Variants in PFKFB2 observed in about 807,000 individuals in gnomAD.
PFKFB2 encodes the protein 6-phosphofructo-2-kinase/fructose-2,6-bisphosphatase 2.
PFKFB2 carries 53 observed loss-of-function variants against 68.0 expected under a neutral mutation model. The observed-to-expected ratio is 0.78, with a 90% CI of 0.63 to 0.98. PFKFB2 has a LOEUF of 0.98. PFKFB2 is among the 50% of genes least tolerant of loss of function. The pLI is 0.00. For synonymous variants in PFKFB2, 222 were observed against 227.6 expected, an observed-to-expected ratio of 0.98 and a Z score of 0.22; for missense variants, 451 against 642.0, an observed-to-expected ratio of 0.70 and a Z score of 3.22.
At position 207,071,573 on chromosome 1, in the gene PFKFB2, T is replaced by G. The variant is rs754287123; in HGVS notation, c.1350T>G (p.Thr450=). ...EAVNTHRDKP[T]NNFPKNQTPV... ...TGAACACGCACCGTGACAAGCCAACTGTAAGTATTTTCCCACGATGAACAC... is the reference window on the plus strand; with the variant it reads ...TGAACACGCACCGTGACAAGCCAACGGTAAGTATTTTCCCACGATGAACAC... The change falls in exon 14 of 15, where the codon ACT becomes ACG. Residue 450 remains threonine (T), a splice_region_variant and synonymous_variant. Coordinates refer to ENST00000367080, the MANE Select transcript of PFKFB2 (RefSeq NM_006212.2). 6.2e-7 allele frequency: 1 copy of G among 1,612,124 alleles called. No homozygotes were observed. The highest frequency in any genetic ancestry group is 1.1e-5 in the South Asian group (1 of 91,044).
At chr1:207,062,192 G>A (rs1429100402) in intron 3 of PFKFB2, 114 bp downstream of exon 3, 2 of 1,384,944 alleles carry the variant, frequency 1.4e-6, no homozygotes, top group East Asian at 2.4e-5. Flanking sequence ...GGCAGAAATA[G>A]CAGTTGCTTT....
chr1:207,067,400 G>C (rs1331041667), intron 8 of PFKFB2, 99 bp from the exon 9 acceptor site: 1 of 795,732 alleles, frequency 1.3e-6, no homozygotes, highest in African/African-American at 1.7e-5. Flanking sequence ...AGGAAGAGCA[G>C]CTGTGAGCCT....
chr1:207,062,458 G>A, intron 3 of PFKFB2, 162 bp from the exon 4 acceptor site: 1 of 1,139,088 alleles, frequency 8.8e-7, no homozygotes, highest in South Asian at 1.5e-5. Flanking sequence ...GTCAGGGCTT[G>A]AACCCAACTC....
intron 1 of PFKFB2, among the ~76,000 whole-genome samples, chr1:207,041,880 C>T (rs1053690173): frequency 1.3e-5 from 2 of 152,228 alleles, no homozygotes; most frequent in Non-Finnish European, 1.5e-5. Flanking sequence ...TCTCCACATT[C>T]TCTCTAGCAT....
chr1:207,051,525 C>T (rs1042972570), upstream of PFKFB2, among the ~76,000 whole-genome samples: 5 of 152,228 alleles, frequency 3.3e-5, no homozygotes, highest in African/African-American at 1.2e-4. Flanking sequence ...TTCTGCCTCC[C>T]TGGGACTGTG....
At chr1:207,041,226 C>A (rs982124831) in intron 1 of PFKFB2, among the ~76,000 whole-genome samples, 2 of 151,570 alleles carry the variant, frequency 1.3e-5, no homozygotes, top group African/African-American at 4.9e-5. Flanking sequence ...CCGCGCCTGG[C>A]CAGATTTTTT....
At position 207,073,020 on chromosome 1, in the gene PFKFB2, C is replaced by T; in HGVS notation, c.*649C>T. The T allele has an allele frequency of 1.0e-6, 1 of 985,490 alleles. No homozygotes were observed. Among genetic ancestry groups the T allele is most frequent in the Non-Finnish European group, 1.2e-6 (1 of 830,006 alleles). The allele number at this position is 985,490 out of a possible 1,614,324, so 61.0% of individuals were successfully genotyped here. A position where few individuals can be genotyped will look rare whatever the true frequency, so the allele number is the denominator to read the frequency against. ...ACTGGAGGAGTCTTTCCTTTCCTTT[C>T]TCCCTTCCTCTCCAGCCAGGTCCTG... On this transcript the variant is annotated 3_prime_UTR_variant, in exon 15 of 15. Coordinates refer to ENST00000367080, the MANE Select transcript of PFKFB2 (RefSeq NM_006212.2).
chr1:207,079,375 G>C, downstream of PFKFB2: 1 of 297,378 alleles, frequency 3.4e-6, no homozygotes, highest in Non-Finnish European at 6.4e-6. Context: ...TTTGCCCAAA[G>C]TGCAAATGCA....
chr1:207,071,364 C>A, intron 13 of PFKFB2, 114 bp downstream of exon 13: 1 of 1,084,132 alleles, frequency 9.2e-7, no homozygotes, highest in Non-Finnish European at 1.4e-6. Flanking sequence ...GAAGCTCCAT[C>A]AGTGCCTTCT....
intron 2 of PFKFB2, chr1:207,061,071 ATATCTTTATATATC>A (rs1278075427): frequency 1.7e-5 from 2 of 117,036 alleles, no homozygotes; most frequent in African/African-American, 7.0e-5. Context: ...ATCTTTATAT[ATATCTTTATATATC>A]TTTATATATA....
At chr1:207,068,901 C>T (rs1165690940) in intron 10 of PFKFB2, among the ~76,000 whole-genome samples, 2 of 152,088 alleles carry the variant, frequency 1.3e-5, no homozygotes, top group African/African-American at 4.8e-5. Flanking sequence ...CACCTGCCAC[C>T]ACGCCTGGCT....
At position 207,077,721 on chromosome 1, in the gene PFKFB2, C is replaced by T. The variant is rs533736039; in HGVS notation, c.*5350C>T. 8 of 985,022 alleles carry T rather than the reference C, an allele frequency of 8.1e-6. No individual in the cohort carries two copies. In the South Asian group the frequency reaches 3.3e-4, roughly 41 times the overall value. The allele number at this position is 985,022 out of a possible 1,614,324, so 61.0% of individuals were successfully genotyped here. On this transcript the variant is annotated 3_prime_UTR_variant, in exon 15 of 15. Coordinates refer to ENST00000367080, the MANE Select transcript of PFKFB2 (RefSeq NM_006212.2). ...GACACTGATAACAAAGTATGCCACTCAGATCCATTTAAAGTGTGCATAACT... is the reference window on the plus strand; with the variant it reads ...GACACTGATAACAAAGTATGCCACTTAGATCCATTTAAAGTGTGCATAACT...
upstream of PFKFB2, chr1:207,050,600 C>A: frequency 1.3e-6 from 2 of 1,565,344 alleles, no homozygotes; most frequent in Non-Finnish European, 1.7e-6. Context: ...CGACTCACAG[C>A]CACCTTGCCT....
downstream of PFKFB2, chr1:207,080,142 A>G (rs6673422): frequency 0.17 from 26,010 of 152,208 alleles, 2,353 homozygotes; most frequent in African/African-American, 0.23. Flanking sequence ...GTATGAATGT[A>G]TCTCTGTAAA....
intron 10 of PFKFB2, among the ~76,000 whole-genome samples, chr1:207,068,792 G>T (rs186012605): frequency 6.6e-6 from 1 of 151,334 alleles, no homozygotes; most frequent in Admixed American, 6.6e-5. Flanking sequence ...CTGTGGCCCA[G>T]GCTGGAGTGC....
At chr1:207,052,036 C>T (rs1682765481), upstream of PFKFB2, 2 of 662,994 alleles carry the variant, frequency 3.0e-6, no homozygotes, top group East Asian at 2.6e-5. Flanking sequence ...GAATTTATAT[C>T]TCTCTTTTCC....
upstream of PFKFB2, chr1:207,050,893 C>T: frequency 6.2e-7 from 1 of 1,608,770 alleles, no homozygotes. Flanking sequence ...GGAGCCGCCA[C>T]ATCGTGTCGG....
chr1:207,040,515 A>G (rs1441706746), intron 1 of PFKFB2, among the ~76,000 whole-genome samples: 1 of 151,584 alleles, frequency 6.6e-6, no homozygotes, highest in East Asian at 1.9e-4. Flanking sequence ...TTTGAGAGCT[A>G]TTAATAGTTT....
intron 2 of PFKFB2, among the ~76,000 whole-genome samples, chr1:207,061,346 T>C (rs1169927649): frequency 6.6e-6 from 1 of 151,046 alleles, no homozygotes; most frequent in Non-Finnish European, 1.5e-5. Context: ...ATTTTCTTTC[T>C]TAGCCTTGCT....
Sources: allele counts gnomAD v4.1 joint callset (sites outside exome capture counted in the v4.1 genomes callset), GRCh38; gene constraint gnomAD v4.1.1; transcripts MANE v1.5; gene names NCBI Gene and HGNC (gene_info 2026-07-23, HGNC 2026-07-21).